The following SLC24A1 variants were observed in gnomAD, a reference collection of about 807,000 sequenced individuals.
SLC24A1 encodes solute carrier family 24 member 1, also known as sodium/potassium/calcium exchanger 1.
SLC24A1 carries 52 observed loss-of-function variants against 88.1 expected under a neutral mutation model. That is an observed-to-expected ratio of 0.59 (90% CI 0.47 to 0.74). SLC24A1 has a LOEUF of 0.74. Among genes scored for constraint, SLC24A1 ranks in the 30% least tolerant of loss-of-function variants. The pLI is 0.00. For synonymous variants in SLC24A1, 455 were observed against 498.0 expected (o/e 0.91, Z 1.15); for missense variants, 1,173 against 1,363.3 (o/e 0.86, Z 2.20).
At chr15:65,626,022 T>G in intron 2 of SLC24A1, 52 bp downstream of exon 2, 1 of 1,370,146 alleles carries the variant, frequency 7.3e-7, no homozygotes, top group Non-Finnish European at 1.0e-6. Context: ...TGAAAGGATG[T>G]GGCGAAGCCA....
chr15:65,639,953 C>T (rs943461341), intron 4 of SLC24A1, among the ~76,000 whole-genome samples: 2 of 152,214 alleles, frequency 1.3e-5, no homozygotes, highest in Admixed American at 6.5e-5. Context: ...TCCCACTTCC[C>T]TGCCTCTGTC....
intron 2 of SLC24A1, among the ~76,000 whole-genome samples, chr15:65,616,829 G>A (rs1401860247): frequency 2.6e-5 from 4 of 152,066 alleles, no homozygotes; most frequent in Non-Finnish European, 5.9e-5. Flanking sequence ...GTATTGCCTA[G>A]GTTTTCTTCT....
At chr15:65,651,921 C>T (rs772230548) in intron 8 of SLC24A1, 162 bp downstream of exon 8, 14 of 647,750 alleles carry the variant, frequency 2.2e-5, no homozygotes, top group Middle Eastern at 2.5e-4. Flanking sequence ...TTCCAGTGAA[C>T]GCAGTGCTTC....
intron 2 of SLC24A1, among the ~76,000 whole-genome samples, chr15:65,632,030 C>T (rs2074746081): frequency 6.6e-6 from 1 of 152,122 alleles, no homozygotes; most frequent in Admixed American, 6.5e-5. Flanking sequence ...TGGGGTTTCA[C>T]CATGTTGTCC....
At chr15:65,647,639 G>A (rs1442244752) in intron 6 of SLC24A1, among the ~76,000 whole-genome samples, 1 of 152,180 alleles carries the variant, frequency 6.6e-6, no homozygotes, top group East Asian at 1.9e-4. Flanking sequence ...GCTATTAGGA[G>A]TGACAGTCTT....
chr15:65,615,013 C>G (rs1286712758), intron 2 of SLC24A1, among the ~76,000 whole-genome samples: 3 of 152,098 alleles, frequency 2.0e-5, no homozygotes, highest in Non-Finnish European at 4.4e-5. Context: ...CCCAGCTGTT[C>G]GAGACTAGCC....
intron 2 of SLC24A1, among the ~76,000 whole-genome samples, chr15:65,629,969 T>TTTTA (rs1172602779): frequency 6.6e-6 from 1 of 152,140 alleles, no homozygotes; most frequent in Non-Finnish European, 1.5e-5. Context: ...GGAAGGACTT[T>TTTTA]TTTATTTATT....
At position 65,624,400 on chromosome 15, in the gene SLC24A1, CAG is replaced by C. The variant is rs1443873574; in HGVS notation, c.321_322del (p.Val108GlyfsTer8). Reference sequence around the variant, plus strand: ...AGTGATGAAGCAACACTGAGCATGACAGTGGAGAATATCCCCAGTATGCCTAA... The same window carrying C: ...AGTGATGAAGCAACACTGAGCATGACTGGAGAATATCCCCAGTATGCCTAA... On this transcript the variant is annotated frameshift_variant, in exon 2 of 10. Transcript: ENST00000261892. LOFTEE classifies it high-confidence loss of function. 2 of 1,613,394 alleles carry C rather than the reference CAG, an allele frequency of 1.2e-6. No homozygotes were observed. Among genetic ancestry groups the C allele is most frequent in the African/African-American group, 2.7e-5 (2 of 74,862 alleles).
chr15:65,639,748 C>A, intron 4 of SLC24A1, 45 bp downstream of exon 4: 1 of 1,230,836 alleles, frequency 8.1e-7, no homozygotes, highest in Non-Finnish European at 1.2e-6. Flanking sequence ...CCCATCCACT[C>A]CTTCCCTCCT....
At chr15:65,611,370 G>C (rs1000876205), upstream of SLC24A1, 2 of 606,164 alleles carry the variant, frequency 3.3e-6, no homozygotes, top group African/African-American at 3.7e-5. Flanking sequence ...AACTTCTCTC[G>C]AGCCTTGGCT....
At position 65,650,730 on chromosome 15, in the gene SLC24A1, G is replaced by GAGGAGGAAGAGGAGGAGGAAGAGC. The variant is rs751090376; in HGVS notation, c.2601_2624dup (p.Gln869_Glu876dup). On this transcript the variant is annotated inframe_insertion, in exon 7 of 10. Transcript: ENST00000261892. This position sits in a 1 kb window ranked among gnomAD's most constrained non-coding sequence, Gnocchi z 4.1. ...GGGAAGTGATGGAGGGGATAGCGAA[G>GAGGAGGAAGAGGAGGAGGAAGAGC]AGGAGGAAGAGGAGGAGGAAGAGCA... 2.7e-5 allele frequency: 42 copies of GAGGAGGAAGAGGAGGAGGAAGAGC among 1,581,186 alleles called. No homozygotes were observed. The Admixed American group carries it at 6.3e-4, about 24-fold the overall frequency.
chr15:65,659,799 G>A (rs534249593), downstream of SLC24A1: 52 of 153,700 alleles, frequency 3.4e-4, no homozygotes, highest in Non-Finnish European at 5.9e-4. Flanking sequence ...ACTTGGGGTG[G>A]AAAGAGGAGG....
intron 6 of SLC24A1, among the ~76,000 whole-genome samples, chr15:65,649,019 G>C (rs1035304772): frequency 6.6e-6 from 1 of 152,190 alleles, no homozygotes; most frequent in Admixed American, 6.5e-5. Context: ...TTTAGGAACA[G>C]CTGTGAGTAT....
At chr15:65,638,546 G>T (rs2075015720) in intron 3 of SLC24A1, among the ~76,000 whole-genome samples, 1 of 152,190 alleles carries the variant, frequency 6.6e-6, no homozygotes, top group Admixed American at 6.5e-5. Flanking sequence ...ATAAAAGCCA[G>T]ATTACCTATG....
chr15:65,626,374 G>A (rs1332151507), intron 2 of SLC24A1, among the ~76,000 whole-genome samples: 3 of 152,178 alleles, frequency 2.0e-5, no homozygotes, highest in Non-Finnish European at 2.9e-5. Context: ...GATGCCAGGC[G>A]AGGAAAAATG....
Position 65,645,656 on chromosome 15 carries a change from CCT to C in SLC24A1, c.2186_2187del (p.Pro729ArgfsTer20), listed in dbSNP as rs1416930550. ...CCCTGCGGTCACGGTCACACCAGCCCCTGTTCCAGACATCAAGGGAGATCAGA... is the reference window on the plus strand; with the variant it reads ...CCCTGCGGTCACGGTCACACCAGCCCGTTCCAGACATCAAGGGAGATCAGA... ...KLPAVTVTPAPVPDIKGDQKE... is the reference protein window; with the variant it reads ...KLPAVTVTPAXVPDIKGDQKE... On this transcript the variant is annotated frameshift_variant, in exon 6 of 10. Coordinates refer to ENST00000261892, the MANE Select transcript of SLC24A1 (RefSeq NM_004727.3). LOFTEE classifies it high-confidence loss of function. The C allele has an allele frequency of 3.8e-6, 6 of 1,580,766 alleles. No homozygotes were observed. The highest frequency in any genetic ancestry group is 4.6e-5 in the East Asian group (2 of 43,112).
chr15:65,633,172 T>C (rs1566953538), intron 2 of SLC24A1, among the ~76,000 whole-genome samples: 1 of 152,152 alleles, frequency 6.6e-6, no homozygotes, highest in Non-Finnish European at 1.5e-5. Context: ...TAAGAGACTG[T>C]AGCCACCAGC....
Position 65,625,797 on chromosome 15 carries a change from A to C in SLC24A1, c.1717A>C (p.Ile573Leu). The change falls in exon 2 of 10, where the codon ATC (isoleucine) becomes CTC (leucine). Residue 573 changes from isoleucine to leucine, a missense_variant. Ile to Leu is a conservative substitution (Grantham distance 5). Coordinates refer to ENST00000261892, the MANE Select transcript of SLC24A1 (RefSeq NM_004727.3). ...CTACATCCTTGACCTGATAATGCTC[A>C]TCCTCTTCTTCCTGGACAGCCTCAT... ...SFYILDLIML[I>L]LFFLDSLIAW... is the part of the protein sequence containing the mutation. The C allele has an allele frequency of 1.2e-6, 2 of 1,613,952 alleles. No individual in the cohort carries two copies. The highest frequency in any genetic ancestry group is 1.7e-6 in the Non-Finnish European group (2 of 1,179,876).
At chr15:65,638,522 A>G (rs2075014934) in intron 3 of SLC24A1, among the ~76,000 whole-genome samples, 1 of 152,156 alleles carries the variant, frequency 6.6e-6, no homozygotes, top group South Asian at 2.1e-4. Context: ...ACAGCCCAAC[A>G]TTGTATGATT....
Sources: allele counts gnomAD v4.1 joint callset (sites outside exome capture counted in the v4.1 genomes callset), GRCh38; gene constraint gnomAD v4.1.1; non-coding constraint Gnocchi (gnomAD v3.1); transcripts MANE v1.5; gene names NCBI Gene and HGNC (gene_info 2026-07-23, HGNC 2026-07-21).